GFPT1: variants seen among roughly 807,000 people sequenced by gnomAD.
GFPT1 encodes the protein glutamine--fructose-6-phosphate transaminase 1, also known as glutamine--fructose-6-phosphate aminotransferase [isomerizing] 1.
GFPT1 carries 40 observed loss-of-function variants against 92.0 expected under a neutral mutation model. That is an observed-to-expected ratio of 0.43 (90% CI 0.34 to 0.57). GFPT1 has a LOEUF of 0.57. Ranked by LOEUF, GFPT1 falls within the 20% of genes least tolerant of loss-of-function variation. The pLI, the probability that GFPT1 is intolerant of heterozygous loss-of-function variation, is 0.02. For missense variants in GFPT1, 448 were observed against 869.1 expected, an observed-to-expected ratio of 0.52 and a Z score of 6.09; for synonymous variants, 269 against 280.6, an observed-to-expected ratio of 0.96 and a Z score of 0.41.
At chr2:69,356,587 A>G (rs889684126) in intron 6 of GFPT1, 30 bp from the exon 7 acceptor site, 1 of 1,511,054 alleles carries the variant, frequency 6.6e-7, no homozygotes, top group Admixed American at 1.7e-5. Context: ...CATTAGCACT[A>G]TTTAATCAAT....
At position 69,327,519 on chromosome 2, in the gene GFPT1, T is replaced by C. The variant is rs537486449; in HGVS notation, c.1894-444A>G. ...TTTTAATTTATTTTATTTACTGTTT[T>C]AGAGACAGGGTCTCACTATGCTACC... On this transcript the variant is annotated intron_variant, in intron 18 of 19. Transcript: ENST00000357308. Among the ~76,000 whole-genome samples, 17 of 152,260 alleles carry C rather than the reference T, an allele frequency of 1.1e-4. No homozygotes were observed. The South Asian group carries it at 2.9e-3, about 26-fold the overall frequency.
At chr2:69,363,008 G>C (rs1215597623) in intron 4 of GFPT1, among the ~76,000 whole-genome samples, 1 of 151,804 alleles carries the variant, frequency 6.6e-6, no homozygotes, top group South Asian at 2.1e-4. Context: ...CACTTTGGGA[G>C]GCCGAGACGG....
intron 2 of GFPT1, 142 bp from the exon 3 acceptor site, chr2:69,370,250 C>T (rs1453955059): frequency 6.0e-6 from 4 of 667,536 alleles, no homozygotes; most frequent in African/African-American, 1.8e-5. Context: ...CTACTGAAAA[C>T]CTATTGTGTG....
intron 1 of GFPT1, among the ~76,000 whole-genome samples, chr2:69,385,673 A>G (rs1672113501): frequency 1.3e-5 from 2 of 152,246 alleles, no homozygotes; most frequent in African/African-American, 4.8e-5. Flanking sequence ...TACCAAATGA[A>G]GCACACTGGA....
At chr2:69,341,550 A>G (rs4340572) in intron 13 of GFPT1, among the ~76,000 whole-genome samples, 99,081 of 152,050 alleles carry the variant, frequency 0.65, 33,570 homozygotes, top group African/African-American at 0.85. Flanking sequence ...GACATCAGCA[A>G]CACATAAACT....
intron 6 of GFPT1, among the ~76,000 whole-genome samples, chr2:69,357,276 CACT>C (rs1445298696): frequency 4.6e-5 from 7 of 152,044 alleles, no homozygotes; most frequent in Non-Finnish European, 1.0e-4. Flanking sequence ...AATTGTACAC[CACT>C]GTTAACTTCC....
chr2:69,364,994 CAAAAAAAAAAAA>C lies in GFPT1; in HGVS notation c.224-1336_224-1325del, dbSNP rs58848043. Among the ~76,000 whole-genome samples the C allele has an allele frequency of 6.1e-4, 27 of 44,166 alleles. No homozygotes were observed. In the Admixed American group the frequency reaches 6.3e-3, roughly 10 times the overall value. 29.0% of individuals were successfully genotyped at this position (44,166 alleles called of 152,430 possible). A position where few individuals can be genotyped will look rare whatever the true frequency, so the allele number is the denominator to read the frequency against. On this transcript the variant is annotated intron_variant, in intron 3 of 19. Transcript: ENST00000357308. The stretch of plus-strand genomic sequence containing the variant: ...TGGGTGACAGAGCGAGACTCCCTCT[CAAAAAAAAAAAA>C]AAAAAAAAAAAAAAGAAGTAGCTGA...
intron 10 of GFPT1, 78 bp downstream of exon 10, chr2:69,350,000 T>C (rs1558751089): frequency 2.1e-6 from 2 of 954,778 alleles, no homozygotes; most frequent in South Asian, 1.4e-5. Flanking sequence ...ACTAGACTGA[T>C]ACACAATGAC....
At chr2:69,357,788 T>C (rs1671376531) in intron 6 of GFPT1, among the ~76,000 whole-genome samples, 2 of 152,218 alleles carry the variant, frequency 1.3e-5, no homozygotes, top group African/African-American at 4.8e-5. Context: ...TCAAAAAGAA[T>C]ACTGATTTTC....
chr2:69,368,391 T>A (rs1222664175), intron 3 of GFPT1, among the ~76,000 whole-genome samples: 1 of 151,336 alleles, frequency 6.6e-6, no homozygotes, highest in African/African-American at 2.4e-5. Flanking sequence ...TAAAAAAAAA[T>A]TAGCTGTGAG....
chr2:69,352,963 T>C (rs1282870446), intron 9 of GFPT1, among the ~76,000 whole-genome samples: 1 of 152,080 alleles, frequency 6.6e-6, no homozygotes, highest in Non-Finnish European at 1.5e-5. Flanking sequence ...TGAGACTCGC[T>C]TGAACCCGGG....
At chr2:69,354,795 T>C (rs1462148382) in intron 7 of GFPT1, among the ~76,000 whole-genome samples, 1 of 152,248 alleles carries the variant, frequency 6.6e-6, no homozygotes, top group East Asian at 1.9e-4. Flanking sequence ...GGCAGGCAGA[T>C]CACTTGAGCC....
chr2:69,359,219 G>A (rs1440020431), intron 5 of GFPT1, 49 bp downstream of exon 5: 7 of 957,480 alleles, frequency 7.3e-6, no homozygotes, highest in African/African-American at 1.6e-5. Flanking sequence ...CAGTGCTCTC[G>A]TTAGAAGTAT....
At chr2:69,382,240 G>A (rs922695505) in intron 1 of GFPT1, among the ~76,000 whole-genome samples, 2 of 152,112 alleles carry the variant, frequency 1.3e-5, no homozygotes, top group African/African-American at 2.4e-5. Flanking sequence ...ATATTCTGAG[G>A]CTCCTTCACA....
At chr2:69,343,147 T>A (rs1670994337) in intron 12 of GFPT1, among the ~76,000 whole-genome samples, 1 of 152,192 alleles carries the variant, frequency 6.6e-6, no homozygotes, top group African/African-American at 2.4e-5. Flanking sequence ...TTGTTCTCCA[T>A]GTGTCTTGTC....
In GFPT1 at chr2:69,338,128, A is replaced by G. The variant is rs928929196; in HGVS notation, c.1325-73T>C. On this transcript the variant is annotated intron_variant, in intron 14 of 19. Transcript: ENST00000357308. ...ATGCTGTTTCTTAGGAGCAAAAACA[A>G]ATTGACCACACTTTCAACAATATTA... is the stretch of plus-strand genomic sequence containing the variant. 2.4e-6 allele frequency: 3 copies of G among 1,267,674 alleles called. No individual in the cohort carries two copies. In the African/African-American group the frequency reaches 4.4e-5, roughly 19 times the overall value. 78.5% of individuals were successfully genotyped at this position (1,267,674 alleles called of 1,614,324 possible). A position where few individuals can be genotyped will look rare whatever the true frequency, so the allele number is the denominator to read the frequency against.
chr2:69,330,759 C>G (rs896373957), intron 15 of GFPT1, among the ~76,000 whole-genome samples: 6 of 151,934 alleles, frequency 3.9e-5, no homozygotes, highest in African/African-American at 1.5e-4. Flanking sequence ...TTAGCAGGTA[C>G]AATTTTATAA....
intron 13 of GFPT1, among the ~76,000 whole-genome samples, chr2:69,340,584 C>G (rs1208573199): frequency 5.3e-5 from 8 of 151,940 alleles, no homozygotes; most frequent in African/African-American, 1.9e-4. Flanking sequence ...AATTTTGCAA[C>G]CTCTGGCATA....
chr2:69,360,491 T>C (rs1246685531), intron 4 of GFPT1, among the ~76,000 whole-genome samples: 4 of 149,366 alleles, frequency 2.7e-5, no homozygotes, highest in Non-Finnish European at 5.9e-5. Flanking sequence ...CAAGCTGGAG[T>C]ACAGTGGCTC....
Sources: allele counts gnomAD v4.1 joint callset (sites outside exome capture counted in the v4.1 genomes callset), GRCh38; gene constraint gnomAD v4.1.1; transcripts MANE v1.5; gene names NCBI Gene and HGNC (gene_info 2026-07-23, HGNC 2026-07-21).